Variants in ZFHX3 observed in about 807,000 individuals in gnomAD.
ZFHX3 encodes zinc finger homeobox protein 3.
A neutral mutation model predicts 279.1 loss-of-function variants in ZFHX3; 42 were observed. The ratio of observed to expected loss-of-function variants is 0.15; its 90% CI spans 0.12 to 0.19. ZFHX3 has a LOEUF of 0.19. Ranked by LOEUF, ZFHX3 falls within the 10% of genes least tolerant of loss-of-function variation. The pLI, the probability that ZFHX3 is intolerant of heterozygous loss-of-function variation, is 1.00. For synonymous variants in ZFHX3, 2,293 were observed against 1,957.8 expected (o/e 1.17, Z -4.52); for missense variants, 4,981 against 4,754.0 (o/e 1.05, Z -1.40).
intron 1 of ZFHX3, among the ~76,000 whole-genome samples, chr16:73,844,664 A>G (rs1961398878): frequency 6.6e-6 from 1 of 151,932 alleles, no homozygotes; most frequent in South Asian, 2.1e-4. Context: ...GACTGACAGG[A>G]AGATGATAGA....
intron 2 of ZFHX3, among the ~76,000 whole-genome samples, chr16:73,660,996 G>T (rs2052777409): frequency 6.6e-6 from 1 of 152,180 alleles, no homozygotes; most frequent in Non-Finnish European, 1.5e-5. Context: ...CTACTCCAAT[G>T]ATTCTAAAAT....
intron 7 of ZFHX3, chr16:73,125,415 G>A (rs1253617852): frequency 1.3e-5 from 2 of 152,026 alleles, no homozygotes; most frequent in African/African-American, 2.4e-5. Flanking sequence ...AATACTGAAT[G>A]TCAATTTGAT....
chr16:73,767,660 A>T (rs1290972704), intron 1 of ZFHX3, among the ~76,000 whole-genome samples: 1 of 152,188 alleles, frequency 6.6e-6, no homozygotes, highest in African/African-American at 2.4e-5. Flanking sequence ...CCACGACCAG[A>T]TTCTTGTGGA....
intron 1 of ZFHX3, among the ~76,000 whole-genome samples, chr16:73,696,389 C>A (rs1029363738): frequency 6.6e-6 from 1 of 152,222 alleles, no homozygotes; most frequent in Non-Finnish European, 1.5e-5. Context: ...TACCTACAGA[C>A]TCATCCTGAA....
chr16:73,566,627 C>T (rs2020453794), intron 2 of ZFHX3, among the ~76,000 whole-genome samples: 1 of 67,756 alleles, frequency 1.5e-5, no homozygotes, highest in Admixed American at 1.3e-4. Flanking sequence ...CTCAAGCAAT[C>T]CTCCCACCTC....
At chr16:73,099,334 T>C (rs1021264392) in intron 7 of ZFHX3, 1 of 152,220 alleles carries the variant, frequency 6.6e-6, no homozygotes, top group African/African-American at 2.4e-5. Flanking sequence ...TTACTTTGAA[T>C]AGCAATTTTT....
Position 73,384,077 on chromosome 16 carries a change from C to T in ZFHX3, c.-1290-65741G>A, listed in dbSNP as rs542680347. On this transcript the variant is annotated intron_variant, in intron 3 of 17. Coordinates refer to the ZFHX3 transcript ENST00000641206. The stretch of plus-strand genomic sequence containing the variant: ...AATAATCCATCTGGATATGTAGACC[C>T]CCAAACAGAGGCAACAACCATGTGA... 4.6e-5 allele frequency among the ~76,000 whole-genome samples: 7 copies of T among 152,288 alleles called. No homozygotes were observed. In the East Asian group the frequency reaches 1.2e-3, roughly 25 times the overall value.
intron 3 of ZFHX3, among the ~76,000 whole-genome samples, chr16:72,906,209 G>A (rs913700579): frequency 1.3e-5 from 2 of 151,846 alleles, no homozygotes; most frequent in South Asian, 2.1e-4. Flanking sequence ...AGGCCGGCCC[G>A]GGAAAACGTT....
chr16:73,377,850 G>C (rs2016748375), intron 3 of ZFHX3, among the ~76,000 whole-genome samples: 1 of 150,988 alleles, frequency 6.6e-6, no homozygotes, highest in African/African-American at 2.4e-5. Context: ...TGGCTAACAC[G>C]GTGAAACTCC....
chr16:72,822,402 C>T (rs916508436), intron 5 of ZFHX3, among the ~76,000 whole-genome samples: 1 of 152,206 alleles, frequency 6.6e-6, no homozygotes, highest in Non-Finnish European at 1.5e-5. Flanking sequence ...TTGACTGCAA[C>T]TCTGACACCC....
At chr16:73,807,819 C>T (rs982060742) in intron 1 of ZFHX3, among the ~76,000 whole-genome samples, 1 of 151,776 alleles carries the variant, frequency 6.6e-6, no homozygotes, top group Non-Finnish European at 1.5e-5. Flanking sequence ...CACCCATTCA[C>T]GCGGGACTCT....
chr16:73,156,657 G>C (rs773832343), intron 5 of ZFHX3, among the ~76,000 whole-genome samples: 1 of 152,158 alleles, frequency 6.6e-6, no homozygotes, highest in Non-Finnish European at 1.5e-5. Context: ...CTGGGTTCAA[G>C]TGATCCTCCC....
intron 4 of ZFHX3, among the ~76,000 whole-genome samples, chr16:73,291,227 T>C (rs1284234786): frequency 6.6e-6 from 1 of 152,188 alleles, no homozygotes; most frequent in Non-Finnish European, 1.5e-5. Flanking sequence ...GCTCTGTATA[T>C]GTTCACCTAG....
chr16:73,801,999 C>G (rs942987542), intron 1 of ZFHX3, among the ~76,000 whole-genome samples: 13 of 152,132 alleles, frequency 8.5e-5, no homozygotes, highest in African/African-American at 3.1e-4. Context: ...AACAGCCCAC[C>G]TGAAAGCATG....
chr16:73,385,839 G>C (rs543145699), intron 3 of ZFHX3, among the ~76,000 whole-genome samples: 1 of 152,304 alleles, frequency 6.6e-6, no homozygotes, highest in South Asian at 2.1e-4. Flanking sequence ...TTTGGCCTTT[G>C]TTCCCACGGA....
intron 4 of ZFHX3, among the ~76,000 whole-genome samples, chr16:72,838,357 C>T (rs1005742113): frequency 1.3e-5 from 2 of 150,318 alleles, no homozygotes; most frequent in African/African-American, 4.9e-5. Context: ...GCTGCAGCTG[C>T]GTGTTCGGCC....
intron 7 of ZFHX3, among the ~76,000 whole-genome samples, chr16:73,119,036 T>G (rs1966464392): frequency 6.6e-6 from 1 of 152,188 alleles, no homozygotes; most frequent in South Asian, 2.1e-4. Context: ...CCTGGGATGG[T>G]ACTATCATGT....
At chr16:73,056,204 C>G (rs8048140) in intron 1 of ZFHX3, among the ~76,000 whole-genome samples, 1,590 of 152,260 alleles carry the variant, frequency 0.01, 27 homozygotes, top group African/African-American at 0.035. Flanking sequence ...ATTTGCTAGA[C>G]TATTTCAAAA....
intron 4 of ZFHX3, among the ~76,000 whole-genome samples, chr16:73,301,799 C>G (rs912085384): frequency 5.5e-5 from 8 of 145,410 alleles, no homozygotes; most frequent in Non-Finnish European, 1.0e-4. Context: ...TTAAGATTCT[C>G]TTAACACTAA....
Sources: gnomAD v4.1 joint callset for allele counts (sites outside exome capture counted in the v4.1 genomes callset) on GRCh38, gnomAD v4.1.1 for gene constraint, MANE v1.5 for transcripts, NCBI Gene and HGNC (gene_info 2026-07-23, HGNC 2026-07-21) for gene names.